ANKS1B: variants seen among roughly 807,000 people sequenced by gnomAD.
ANKS1B encodes the protein ankyrin repeat and sterile alpha motif domain containing 1B.
Under a neutral mutation model 148.3 loss-of-function variants are expected in ANKS1B, and 36 were observed. The ratio of observed to expected loss-of-function variants is 0.24; its 90% CI spans 0.19 to 0.32. The LOEUF is 0.32. Among genes scored for constraint, ANKS1B ranks in the 10% least tolerant of loss-of-function variants. ANKS1B has a pLI of 1.00. For synonymous variants in ANKS1B, 542 were observed against 560.8 expected, an observed-to-expected ratio of 0.97 and a Z score of 0.47; for missense variants, 1,157 against 1,542.6, an observed-to-expected ratio of 0.75 and a Z score of 4.19.
chr12:98,829,922 G>C lies in ANKS1B; in HGVS notation c.2887-569C>G, dbSNP rs1347584775. Among the ~76,000 whole-genome samples the C allele has an allele frequency of 6.6e-6, 1 of 152,190 alleles. No homozygotes were observed. The highest frequency in any genetic ancestry group is 1.5e-5 in the Non-Finnish European group (1 of 68,020). ...GGGAAACGGGTCAGGAGGAAGATAGGGGGCATAGACAGCTCAGCTCTACTA... is the reference window on the plus strand; with the variant it reads ...GGGAAACGGGTCAGGAGGAAGATAGCGGGCATAGACAGCTCAGCTCTACTA... On this transcript the variant is annotated intron_variant, in intron 18 of 26. Coordinates refer to ENST00000683438, the MANE Select transcript of ANKS1B (RefSeq NM_001352186.2). The surrounding 1 kb of genome is among the most constrained non-coding windows in gnomAD (Gnocchi z 5.2).
At chr12:99,317,697 C>T (rs964798925) in intron 12 of ANKS1B, among the ~76,000 whole-genome samples, 1 of 152,198 alleles carries the variant, frequency 6.6e-6, no homozygotes, top group African/African-American at 2.4e-5. Flanking sequence ...ACTTCCAACA[C>T]TATGTTGAAT....
intron 1 of ANKS1B, among the ~76,000 whole-genome samples, chr12:99,897,163 T>C (rs1480476095): frequency 6.6e-6 from 1 of 151,348 alleles, no homozygotes; most frequent in Non-Finnish European, 1.5e-5. Context: ...GAGTCTCGGC[T>C]TATAGCTGGG....
intron 9 of ANKS1B, among the ~76,000 whole-genome samples, chr12:99,525,273 G>A (rs7963233): frequency 0.14 from 21,667 of 152,116 alleles, 3,753 homozygotes; most frequent in African/African-American, 0.42. Flanking sequence ...TACTGACTCA[G>A]TATTTTAAAG....
In ANKS1B at chr12:99,603,746, C is replaced by T. The variant is rs373931025; in HGVS notation, c.1272+51321G>A. ...AATTGTTATAAGCTATAGATGCCTT[C>T]AGAGAAAAAAAATCTTTAAATATAG... On this transcript the variant is annotated intron_variant, in intron 9 of 26. Transcript: ENST00000683438. Among the ~76,000 whole-genome samples, 296 of 151,950 alleles carry T rather than the reference C, an allele frequency of 1.9e-3. 3 individuals carry two copies. The highest frequency in any genetic ancestry group is 7.0e-3 in the African/African-American group (290 of 41,460).
At chr12:98,953,537 G>GATTTTTT (rs2099857241) in intron 17 of ANKS1B, among the ~76,000 whole-genome samples, 1 of 57,424 alleles carries the variant, frequency 1.7e-5, no homozygotes, top group African/African-American at 7.4e-5. Context: ...ATCTAGAGTG[G>GATTTTTT]TTTTTTTTTT....
chr12:99,869,464 G>A (rs1040435536), intron 1 of ANKS1B, among the ~76,000 whole-genome samples: 1 of 151,896 alleles, frequency 6.6e-6, no homozygotes, highest in African/African-American at 2.4e-5. Flanking sequence ...ACCTGAGGTT[G>A]GGAGTTTGAG....
chr12:99,909,669 G>A (rs567873290), intron 1 of ANKS1B, among the ~76,000 whole-genome samples: 5 of 152,102 alleles, frequency 3.3e-5, no homozygotes, highest in African/African-American at 1.2e-4. Flanking sequence ...CAGGAAGTGT[G>A]ATGCCTCAAA....
intron 17 of ANKS1B, among the ~76,000 whole-genome samples, chr12:98,922,995 C>CA: frequency 6.6e-6 from 1 of 152,048 alleles, no homozygotes; most frequent in Middle Eastern, 3.4e-3. Context: ...GTGTTTTTTT[C>CA]CCACCAAAGC....
intron 15 of ANKS1B, among the ~76,000 whole-genome samples, chr12:99,105,199 G>T (rs2058884920): frequency 6.6e-6 from 1 of 152,164 alleles, no homozygotes; most frequent in Non-Finnish European, 1.5e-5. Flanking sequence ...GGACTGTTAT[G>T]CAATTAACAC....
intron 16 of ANKS1B, among the ~76,000 whole-genome samples, chr12:99,059,268 T>C (rs990962049): frequency 6.6e-6 from 1 of 152,328 alleles, no homozygotes; most frequent in East Asian, 1.9e-4. Flanking sequence ...GTGTTAATCA[T>C]TTTTGAAGTC....
At chr12:99,717,963 G>A (rs1313688664) in intron 8 of ANKS1B, among the ~76,000 whole-genome samples, 3 of 144,918 alleles carry the variant, frequency 2.1e-5, no homozygotes, top group Admixed American at 7.2e-5. Context: ...GAGTGCAGTG[G>A]CGCGATCTCG....
At chr12:99,278,824 A>G (rs1401227593) in intron 12 of ANKS1B, among the ~76,000 whole-genome samples, 1 of 152,242 alleles carries the variant, frequency 6.6e-6, no homozygotes, top group Admixed American at 6.5e-5. Context: ...ATATGAAAGG[A>G]AAAGTCTCTA....
At chr12:98,984,552 T>C (rs1172064989) in intron 17 of ANKS1B, among the ~76,000 whole-genome samples, 1 of 152,242 alleles carries the variant, frequency 6.6e-6, no homozygotes. Flanking sequence ...TTACAAATTC[T>C]GCTTTCCACA....
chr12:99,443,555 T>C lies in ANKS1B; in HGVS notation c.1575+118A>G, dbSNP rs192693646. The C allele has an allele frequency of 2.2e-4, 231 of 1,053,428 alleles. 1 individual carries two copies. The highest frequency in any genetic ancestry group is 1.0e-4 in the South Asian group (4 of 38,398). 65.3% of individuals were successfully genotyped at this position (1,053,428 alleles called of 1,614,324 possible). ...CTCTTCTGAGTCCCCTCTTTTAATT[T>C]AGAAATCCATTGACATACCACATAA... is the stretch of plus-strand genomic sequence containing the variant. On this transcript the variant is annotated intron_variant, in intron 11 of 26. Coordinates refer to ENST00000683438, the MANE Select transcript of ANKS1B (RefSeq NM_001352186.2).
At position 99,504,491 on chromosome 12, in the gene ANKS1B, G is replaced by A. The variant is rs777069803; in HGVS notation, c.1423C>T (p.Pro475Ser). Residue 475 changes from proline to serine, a missense_variant, in exon 10 of 27, where the codon CCT (proline) becomes TCT (serine). Physicochemically the swap from Pro to Ser is moderately conservative, Grantham distance 74 (BLOSUM62 -1). Around this residue, in one of 6 missense-constraint regions of ANKS1B, gnomAD observed 661 missense variants for 642.1 expected, o/e 1.03. Transcript: ENST00000683438. The stretch of plus-strand genomic sequence containing the variant: ...GAGATATTACCAGTTCTTGGGGAAG[G>A]TGCCCTTGCAATTTCTAAGGAGCAA... Reference protein sequence around the residue: ...KPCSLEIARAPSPRTDNASEV... With the variant: ...KPCSLEIARASSPRTDNASEV... The A allele has an allele frequency of 1.2e-6, 2 of 1,612,196 alleles. No individual in the cohort carries two copies. The highest frequency in any genetic ancestry group is 2.2e-5 in the East Asian group (1 of 44,800).
At chr12:99,907,559 T>C (rs2093830478) in intron 1 of ANKS1B, among the ~76,000 whole-genome samples, 2 of 152,182 alleles carry the variant, frequency 1.3e-5, no homozygotes, top group Admixed American at 1.3e-4. Context: ...AAAAGGGTTA[T>C]ATTTTCTCTG....
In ANKS1B at chr12:99,008,715, C is replaced by A. The variant is rs189398605; in HGVS notation, c.2778+44442G>T. Among the ~76,000 whole-genome samples, 745 of 152,116 alleles carry A rather than the reference C, an allele frequency of 4.9e-3. 2 individuals are homozygous for A. The highest frequency in any genetic ancestry group is 0.017 in the African/African-American group (699 of 41,492). ...CGTTACAAATTGTTATGGAAAATCCCAAAAATATAAAAGAAAAAAATTTTA... is the reference window on the plus strand; with the variant it reads ...CGTTACAAATTGTTATGGAAAATCCAAAAAATATAAAAGAAAAAAATTTTA... On this transcript the variant is annotated intron_variant, in intron 17 of 26. Transcript: ENST00000683438.
At chr12:99,926,010 A>C (rs753761962) in intron 1 of ANKS1B, among the ~76,000 whole-genome samples, 2 of 152,190 alleles carry the variant, frequency 1.3e-5, no homozygotes, top group Admixed American at 6.5e-5. Context: ...TGGGCCCCAG[A>C]TTCATTTATC....
chr12:99,330,165 T>C (rs2087227587), intron 12 of ANKS1B, among the ~76,000 whole-genome samples: 1 of 152,010 alleles, frequency 6.6e-6, no homozygotes, highest in African/African-American at 2.4e-5. Flanking sequence ...CCAAGGGCTA[T>C]GGACTAGGGT....
Sources: allele counts gnomAD v4.1 joint callset (sites outside exome capture counted in the v4.1 genomes callset), GRCh38; gene constraint gnomAD v4.1.1; regional missense constraint gnomAD v4.1.1; non-coding constraint Gnocchi (gnomAD v3.1); transcripts MANE v1.5; gene names NCBI Gene and HGNC (gene_info 2026-07-23, HGNC 2026-07-21).